TXLNA: variants seen among roughly 807,000 people sequenced by gnomAD.
The protein encoded by TXLNA is alpha-taxilin.
A neutral mutation model predicts 61.4 loss-of-function variants in TXLNA; 9 were observed. The observed-to-expected ratio is 0.15, with a 90% CI of 0.09 to 0.26. The LOEUF (loss-of-function observed/expected upper bound fraction) is 0.26. Ranked by LOEUF, TXLNA falls within the 10% of genes least tolerant of loss-of-function variation. TXLNA has a pLI of 1.00. For missense variants in TXLNA, 565 were observed against 688.8 expected, an observed-to-expected ratio of 0.82 and a Z score of 2.01; for synonymous variants, 257 against 267.7, an observed-to-expected ratio of 0.96 and a Z score of 0.39.
rs1642986224 is a variant in TXLNA, at chr1:32,195,016, C to T, written c.1462C>T (p.Leu488=). 6.2e-7 allele frequency: 1 copy of T among 1,614,198 alleles called. No individual in the cohort carries two copies. The highest frequency in any genetic ancestry group is 1.3e-5 in the African/African-American group (1 of 75,074). The change falls in exon 11 of 11, where the codon CTG becomes TTG. Residue 488 remains leucine (L), a synonymous_variant. Coordinates refer to ENST00000373610, the MANE Select transcript of TXLNA (RefSeq NM_175852.4). ...TGACCTGAACAAGAGGGTACAGGAC[C>T]TGAGTGCTGGTGGCCAGGGCTCCCT... The part of the protein sequence containing the change: ...RNDLNKRVQD[L]SAGGQGSLTD...
intron 5 of TXLNA, among the ~76,000 whole-genome samples, 174 bp from the exon 6 acceptor site, chr1:32,189,881 C>T (rs886928079): frequency 6.6e-6 from 1 of 152,126 alleles, no homozygotes; most frequent in Non-Finnish European, 1.5e-5. Flanking sequence ...CACTTGATGT[C>T]ACCTGATATA....
chr1:32,190,044 T>A lies in TXLNA; in HGVS notation c.769-11T>A. 1 of 1,554,266 alleles carries A rather than the reference T, an allele frequency of 6.4e-7. No individual in the cohort carries two copies. The highest frequency in any genetic ancestry group is 8.7e-7 in the Non-Finnish European group (1 of 1,145,152). On this transcript the variant is annotated splice_polypyrimidine_tract_variant and intron_variant, in intron 5 of 10. Coordinates refer to ENST00000373610, the MANE Select transcript of TXLNA (RefSeq NM_175852.4). The stretch of plus-strand genomic sequence containing the variant: ...GTGGATGATGGCTCTCGGGCTGACT[T>A]CTTTGCCCAGGAAGAAGGTGTGCAG...
At chr1:32,187,857 G>A (rs1264555168) in intron 4 of TXLNA, 97 bp from the exon 5 acceptor site, 3 of 1,379,544 alleles carry the variant, frequency 2.2e-6, no homozygotes, top group Admixed American at 2.3e-5. Flanking sequence ...GAGGGTAAGG[G>A]TCAGGGCAGC....
intron 3 of TXLNA, among the ~76,000 whole-genome samples, 160 bp downstream of exon 3, chr1:32,181,737 G>A (rs1642667276): frequency 6.6e-6 from 1 of 152,192 alleles, no homozygotes. Flanking sequence ...GGGGGCCACG[G>A]CATAGAGAGA....
At chr1:32,185,647 G>A (rs1289876502) in intron 4 of TXLNA, among the ~76,000 whole-genome samples, 26 of 143,914 alleles carry the variant, frequency 1.8e-4, no homozygotes, top group African/African-American at 5.2e-4. Context: ...TGATCCGCCC[G>A]CCTCGGCCTC....
At position 32,189,965 on chromosome 1, in the gene TXLNA, G is replaced by A. The variant is rs115473795; in HGVS notation, c.769-90G>A. The A allele has an allele frequency of 3.0e-5, 41 of 1,370,968 alleles. No homozygotes were observed. In the African/African-American group the frequency reaches 5.9e-4, roughly 20 times the overall value. 84.9% of individuals were successfully genotyped at this position (1,370,968 alleles called of 1,614,324 possible). A position where few individuals can be genotyped will look rare whatever the true frequency, so the allele number is the denominator to read the frequency against. On this transcript the variant is annotated intron_variant, in intron 5 of 10. Transcript: ENST00000373610. ...TACTCCACGCTTTGGGAGCAGGGAGGGCTGTTGGCAGAGACCATCTGTGGA... is the reference window on the plus strand; with the variant it reads ...TACTCCACGCTTTGGGAGCAGGGAGAGCTGTTGGCAGAGACCATCTGTGGA...
In TXLNA at chr1:32,190,119, A is replaced by G. The variant is rs1276396090; in HGVS notation, c.833A>G (p.Gln278Arg). Reference sequence around the variant, plus strand: ...CGCAAGGAGGTGACCTCGCACTTCCAGGTGACACTGAATGACATTCAGCTG... The same window carrying G: ...CGCAAGGAGGTGACCTCGCACTTCCGGGTGACACTGAATGACATTCAGCTG... ...EKRKEVTSHF[Q>R]VTLNDIQLQM... Residue 278 changes from glutamine (Q) to arginine (R), a missense_variant, in exon 6 of 11, where the codon CAG (glutamine) becomes CGG (arginine). Coordinates refer to ENST00000373610, the MANE Select transcript of TXLNA (RefSeq NM_175852.4). The G allele has an allele frequency of 6.3e-7, 1 of 1,594,998 alleles. No individual in the cohort carries two copies. The highest frequency in any genetic ancestry group is 8.5e-7 in the Non-Finnish European group (1 of 1,170,944).
At position 32,190,151 on chromosome 1, in the gene TXLNA, G is replaced by A; in HGVS notation, c.865G>A (p.Glu289Lys). 6.3e-7 allele frequency: 1 copy of A among 1,599,428 alleles called. No individual in the cohort carries two copies. The highest frequency in any genetic ancestry group is 1.1e-5 in the South Asian group (1 of 88,366). The change falls in exon 6 of 11, where the codon GAA becomes AAA. Residue 289 changes from glutamate (E) to lysine (K), a missense_variant. By Grantham distance (56) the Glu-to-Lys change is moderately conservative (BLOSUM62 1). Coordinates refer to ENST00000373610, the MANE Select transcript of TXLNA (RefSeq NM_175852.4). ...VTLNDIQLQM[E>K]QHNERNSKLR... ...ACTGAATGACATTCAGCTGCAGATG[G>A]AACAGCACAATGAGCGCAACTCCAA...
At position 32,195,796 on chromosome 1, in the gene TXLNA, T is replaced by C; in HGVS notation, c.*601T>C. On this transcript the variant is annotated 3_prime_UTR_variant, in exon 11 of 11. Coordinates refer to ENST00000373610, the MANE Select transcript of TXLNA (RefSeq NM_175852.4). ...TGGAGAATGTTTTTGCGTGGGATGA[T>C]GTGCTGGTCAGGAGCCCCTTGGGCA... 2.2e-6 allele frequency: 1 copy of C among 456,240 alleles called. No individual in the cohort carries two copies. Among genetic ancestry groups the C allele is most frequent in the Non-Finnish European group, 4.4e-6 (1 of 226,962 alleles). 28.3% of individuals were successfully genotyped at this position (456,240 alleles called of 1,614,324 possible). A position where few individuals can be genotyped will look rare whatever the true frequency, so the allele number is the denominator to read the frequency against.
rs374336068 is a variant in TXLNA at position 32,195,184 on chromosome 1, G to A, written c.1630G>A (p.Ala544Thr). The stretch of plus-strand genomic sequence containing the variant: ...GACTGGGCCTCAAGAGCCCACCTCC[G>A]CCAGGGCCTAGAGAGCCTGGTGTTG... ...GQTGPQEPTS[A>T]RA The change falls in exon 11 of 11, where the codon GCC becomes ACC. Residue 544 changes from alanine to threonine, a missense_variant. Physicochemically the swap from Ala to Thr is moderately conservative, Grantham distance 58. Coordinates refer to ENST00000373610, the MANE Select transcript of TXLNA (RefSeq NM_175852.4). 184 of 1,598,678 alleles carry A rather than the reference G, an allele frequency of 1.2e-4. No homozygotes were observed. Among genetic ancestry groups the A allele is most frequent in the Admixed American group, 3.8e-4 (22 of 57,564 alleles).
In TXLNA at chr1:32,197,531, G is replaced by C. The variant is rs1643050912; in HGVS notation, c.*2336G>C. On this transcript the variant is annotated 3_prime_UTR_variant, in exon 11 of 11. Coordinates refer to ENST00000373610, the MANE Select transcript of TXLNA (RefSeq NM_175852.4). The surrounding 1 kb of genome is among the most constrained non-coding windows in gnomAD (Gnocchi z 4.6). ...ATCAACCAATCACTACAGCTGCTCT[G>C]CTTCTGCTTTCCAAAGTAGCCCAGG... The C allele has an allele frequency of 1.3e-5, 2 of 152,320 alleles. No individual in the cohort carries two copies. The highest frequency in any genetic ancestry group is 2.1e-4 in the South Asian group (1 of 4,832). The allele number at this position is 152,320 out of a possible 1,614,324, so 9.4% of individuals were successfully genotyped here.
chr1:32,182,488 C>T (rs1379635072), intron 3 of TXLNA, among the ~76,000 whole-genome samples: 1 of 151,366 alleles, frequency 6.6e-6, no homozygotes, highest in African/African-American at 2.4e-5. Context: ...ATGATGAAAT[C>T]CCGTCTCTAC....
chr1:32,186,051 C>T (rs1006280348), intron 4 of TXLNA, among the ~76,000 whole-genome samples: 1 of 152,164 alleles, frequency 6.6e-6, no homozygotes, highest in Non-Finnish European at 1.5e-5. Flanking sequence ...TTAATATTTT[C>T]CTGTAAGGAA....
Position 32,180,479 on chromosome 1 carries a change from G to A in TXLNA, c.134G>A (p.Gly45Asp). ...SQAAPAVEAE[G>D]PGSSQAPRKP... ...GCGGCTCCTGCAGTAGAAGCAGAAGGTCCCGGCAGCAGCCAGGCTCCTCGG... is the reference window on the plus strand; with the variant it reads ...GCGGCTCCTGCAGTAGAAGCAGAAGATCCCGGCAGCAGCCAGGCTCCTCGG... The change falls in exon 2 of 11, where the codon GGT becomes GAT. Residue 45 changes from glycine to aspartate, a missense_variant. This residue lies in a region of TXLNA where 192 missense variants were observed against 184.8 expected (regional missense o/e 1.04). Coordinates refer to ENST00000373610, the MANE Select transcript of TXLNA (RefSeq NM_175852.4). 1 of 1,610,544 alleles carries A rather than the reference G, an allele frequency of 6.2e-7. No individual in the cohort carries two copies. Among genetic ancestry groups the A allele is most frequent in the Non-Finnish European group, 8.5e-7 (1 of 1,178,444 alleles).
intron 9 of TXLNA, among the ~76,000 whole-genome samples, chr1:32,193,526 T>G (rs867647312): frequency 5.4e-5 from 8 of 148,828 alleles, no homozygotes; most frequent in South Asian, 2.1e-4. Flanking sequence ...TTTTGGGGGG[T>G]TTGTTGTTGT....
intron 4 of TXLNA, among the ~76,000 whole-genome samples, chr1:32,185,087 C>T (rs1642753100): frequency 6.6e-6 from 1 of 152,230 alleles, no homozygotes. Context: ...GCTTTGTCAT[C>T]TCTGTGGTAT....
At chr1:32,189,694 A>C (rs1642863669) in intron 5 of TXLNA, among the ~76,000 whole-genome samples, 1 of 151,992 alleles carries the variant, frequency 6.6e-6, no homozygotes, top group South Asian at 2.1e-4. Context: ...ACAGGTGCAC[A>C]CCATCACGCC....
In TXLNA at chr1:32,193,311, T is replaced by G. The variant is rs749481900; in HGVS notation, c.1251+11T>G. ...CAGGAGATGGAAAAGGTAACTGTGG[T>G]CCAGGCCAGGCATGGCTGCTGGGGC... is the stretch of plus-strand genomic sequence containing the variant. On this transcript the variant is annotated intron_variant, in intron 9 of 10. Coordinates refer to ENST00000373610, the MANE Select transcript of TXLNA (RefSeq NM_175852.4). 6.2e-7 allele frequency: 1 copy of G among 1,603,736 alleles called. No homozygotes were observed. The highest frequency in any genetic ancestry group is 1.3e-5 in the African/African-American group (1 of 74,710).
intron 6 of TXLNA, among the ~76,000 whole-genome samples, chr1:32,191,480 C>T (rs554088170): frequency 6.6e-6 from 1 of 152,206 alleles, no homozygotes; most frequent in Non-Finnish European, 1.5e-5. Context: ...TATCCCTCAG[C>T]GCTGAGACAT....
Sources: gnomAD v4.1 joint callset for allele counts (sites outside exome capture counted in the v4.1 genomes callset) on GRCh38, gnomAD v4.1.1 for gene constraint, gnomAD v4.1.1 regional missense constraint, Gnocchi (gnomAD v3.1) non-coding constraint, MANE v1.5 for transcripts, NCBI Gene and HGNC (gene_info 2026-07-23, HGNC 2026-07-21) for gene names.